The following RFX1 variants were observed in gnomAD, a reference collection of about 807,000 sequenced individuals.
The protein encoded by RFX1 is MHC class II regulatory factor RFX1.
In RFX1, 42 loss-of-function variants were observed where a neutral mutation model predicts 119.6. The ratio of observed to expected loss-of-function variants is 0.35; its 90% CI spans 0.27 to 0.45. The LOEUF is 0.45. Ranked by LOEUF, RFX1 falls within the 20% of genes least tolerant of loss-of-function variation. RFX1 has a pLI of 1.00. For missense variants in RFX1, 1,118 were observed against 1,368.1 expected, an observed-to-expected ratio of 0.82 and a Z score of 2.88; for synonymous variants, 628 against 618.5, an observed-to-expected ratio of 1.02 and a Z score of -0.23.
At chr19:13,998,880 C>G (rs1190668655) in intron 1 of RFX1, among the ~76,000 whole-genome samples, 6 of 152,164 alleles carry the variant, frequency 3.9e-5, no homozygotes. Flanking sequence ...CACTTACTGG[C>G]TCTTTCTCCT....
rs560542679 is a variant in RFX1 at position 13,980,450 on chromosome 19, G to T, written c.738+123C>A. 2 of 611,264 alleles carry T rather than the reference G, an allele frequency of 3.3e-6. No homozygotes were observed. The highest frequency in any genetic ancestry group is 5.7e-6 in the Non-Finnish European group (2 of 349,226). The allele number at this position is 611,264 out of a possible 1,614,324, so 37.9% of individuals were successfully genotyped here. A position where few individuals can be genotyped will look rare whatever the true frequency, so the allele number is the denominator to read the frequency against. On this transcript the variant is annotated intron_variant, in intron 6 of 20. Transcript: ENST00000254325. The surrounding 1 kb of genome is among the most constrained non-coding windows in gnomAD (Gnocchi z 5.1). ...GAGATGCTTATCAAAGGCCAGGGTG[G>T]CAGGCTGGGGCTGGACCCACATGGG... is the stretch of plus-strand genomic sequence containing the variant.
intron 2 of RFX1, among the ~76,000 whole-genome samples, chr19:13,989,836 G>A (rs1487649518): frequency 4.9e-5 from 7 of 144,158 alleles, no homozygotes. Context: ...GCTCGACCAG[G>A]ATTGGGGTCA....
In RFX1 at chr19:13,966,786, C is replaced by A; in HGVS notation, c.1733-35G>T. 6.9e-7 allele frequency: 1 copy of A among 1,439,490 alleles called. No individual in the cohort carries two copies. Among genetic ancestry groups the A allele is most frequent in the South Asian group, 1.2e-5 (1 of 83,686 alleles). The allele number at this position is 1,439,490 out of a possible 1,614,324, so 89.2% of individuals were successfully genotyped here. On this transcript the variant is annotated intron_variant, in intron 12 of 20. Coordinates refer to ENST00000254325, the MANE Select transcript of RFX1 (RefSeq NM_002918.5). The surrounding 1 kb of genome is among the most constrained non-coding windows in gnomAD (Gnocchi z 6.3). ...CGGGGGGAACCGTGAGGCCCTTCAT[C>A]CCCCTTGCCTGCCCACCCTGGGGTC...
At chr19:13,973,691 C>T (rs952840047) in intron 8 of RFX1, among the ~76,000 whole-genome samples, 6 of 152,104 alleles carry the variant, frequency 3.9e-5, no homozygotes, top group East Asian at 3.9e-4. Context: ...AGTGCAGTGT[C>T]GCAATCTTGG....
At position 13,963,922 on chromosome 19, in the gene RFX1, T is replaced by C. The variant is rs1973807151; in HGVS notation, c.2297A>G (p.Gln766Arg). Reference protein sequence around the residue: ...HLAQAARAVLQNTAQINQMLS... With the variant: ...HLAQAARAVLRNTAQINQMLS... Reference sequence around the variant, plus strand: ...CATCTGGTTGATCTGTGCGGTGTTCTGCAGCACAGCGCGCGCCGCCTGCGC... The same window carrying C: ...CATCTGGTTGATCTGTGCGGTGTTCCGCAGCACAGCGCGCGCCGCCTGCGC... Residue 766 changes from glutamine to arginine, a missense_variant, in exon 17 of 21, where the codon CAG becomes CGG. Physicochemically the swap from Gln to Arg is conservative, Grantham distance 43 (BLOSUM62 1). Coordinates refer to ENST00000254325, the MANE Select transcript of RFX1 (RefSeq NM_002918.5). 2.6e-6 allele frequency: 4 copies of C among 1,548,778 alleles called. No individual in the cohort carries two copies. Among genetic ancestry groups the C allele is most frequent in the African/African-American group, 1.4e-5 (1 of 73,130 alleles).
intron 20 of RFX1, 31 bp downstream of exon 20, chr19:13,962,963 C>G: frequency 6.5e-7 from 1 of 1,549,262 alleles, no homozygotes. Context: ...CCCCGGGACC[C>G]GCGCCCTGGG....
Position 13,985,199 on chromosome 19 carries a change from A to G in RFX1, c.320-1604T>C, listed in dbSNP as rs1974554087. Among the ~76,000 whole-genome samples, 1 of 134,700 alleles carries G rather than the reference A, an allele frequency of 7.4e-6. No individual in the cohort carries two copies. Among genetic ancestry groups the G allele is most frequent in the Non-Finnish European group, 1.6e-5 (1 of 63,596 alleles). 88.4% of individuals were successfully genotyped at this position (134,700 alleles called of 152,430 possible). ...TTTCCGGGATTTTTTTTTTTTTTTG[A>G]GACAGGGTCTCACAGTTGCCCAGGC... On this transcript the variant is annotated intron_variant, in intron 2 of 20. Transcript: ENST00000254325. This position sits in a 1 kb window ranked among gnomAD's most constrained non-coding sequence, Gnocchi z 4.3.
chr19:13,972,523 G>T (rs73517677), intron 9 of RFX1, among the ~76,000 whole-genome samples: 10,406 of 152,218 alleles, frequency 0.068, 1,216 homozygotes, highest in African/African-American at 0.23. Context: ...GTAGTATTGT[G>T]TTAAGAATTT....
At chr19:13,974,545 C>T (rs967560878) in intron 8 of RFX1, among the ~76,000 whole-genome samples, 1 of 152,104 alleles carries the variant, frequency 6.6e-6, no homozygotes, top group African/African-American at 2.4e-5. Flanking sequence ...GAACCTAACA[C>T]CGGGCAGATA....
Position 13,969,765 on chromosome 19 carries a change from T to C in RFX1, c.1496+229A>G, listed in dbSNP as rs1974015450. On this transcript the variant is annotated intron_variant, in intron 10 of 20. Transcript: ENST00000254325. This position sits in a 1 kb window ranked among gnomAD's most constrained non-coding sequence, Gnocchi z 4.5. ...GGAGAGGGGGAGGCTGCAGTTTTAGTTGAGGCAGTCAGGGGACGTGCAAGT... is the reference window on the plus strand; with the variant it reads ...GGAGAGGGGGAGGCTGCAGTTTTAGCTGAGGCAGTCAGGGGACGTGCAAGT... 4.4e-6 allele frequency: 2 copies of C among 458,244 alleles called. No individual in the cohort carries two copies. Among genetic ancestry groups the C allele is most frequent in the South Asian group, 9.8e-5 (2 of 20,480 alleles). 28.4% of individuals were successfully genotyped at this position (458,244 alleles called of 1,614,324 possible).
intron 7 of RFX1, 64 bp from the exon 8 acceptor site, chr19:13,978,150 A>C: frequency 8.0e-7 from 1 of 1,245,012 alleles, no homozygotes; most frequent in Non-Finnish European, 1.2e-6. Context: ...TCTCCCTCTA[A>C]AGGGCTGGTG....
In RFX1 at chr19:13,980,731, T is replaced by TGCATCGTCTCTGGGGTGGGCTC; in HGVS notation, c.622-43_622-42insGAGCCCACCCCAGAGACGATGC. Reference sequence around the variant, plus strand: ...CACAGGAGTGCCGCTGGGGTGGGCTTGCATCCTCTCTGAGGTGGGCTCACA... The same window carrying TGCATCGTCTCTGGGGTGGGCTC: ...CACAGGAGTGCCGCTGGGGTGGGCTTGCATCGTCTCTGGGGTGGGCTCGCATCCTCTCTGAGGTGGGCTCACA... On this transcript the variant is annotated intron_variant, in intron 5 of 20. Coordinates refer to ENST00000254325, the MANE Select transcript of RFX1 (RefSeq NM_002918.5). The surrounding 1 kb of genome is among the most constrained non-coding windows in gnomAD (Gnocchi z 5.1). The TGCATCGTCTCTGGGGTGGGCTC allele has an allele frequency of 8.3e-7, 1 of 1,201,556 alleles. No homozygotes were observed. The highest frequency in any genetic ancestry group is 1.5e-5 in the African/African-American group (1 of 64,518). The allele number at this position is 1,201,556 out of a possible 1,614,324, so 74.4% of individuals were successfully genotyped here.
intron 7 of RFX1, 130 bp from the exon 8 acceptor site, chr19:13,978,216 TCTCAACAAAACACC>T (rs1226637549): frequency 1.6e-6 from 1 of 626,264 alleles, no homozygotes; most frequent in African/African-American, 1.8e-5. Flanking sequence ...GCTTCTGGAC[TCTCAACAAAACACC>T]CTGGAGGAGG....
At chr19:13,979,308 C>T (rs1414038975) in intron 7 of RFX1, 139 bp downstream of exon 7, 3 of 520,450 alleles carry the variant, frequency 5.8e-6, no homozygotes, top group Middle Eastern at 5.4e-4. Context: ...GCCAGGGGGC[C>T]GGGAAAGGGG....
rs73924070 is a variant in RFX1, at chr19:13,980,551, A to G, written c.738+22T>C. On this transcript the variant is annotated intron_variant, in intron 6 of 20. Transcript: ENST00000254325. The surrounding 1 kb of genome is among the most constrained non-coding windows in gnomAD (Gnocchi z 5.1). ...CTGGCCGGTACCCCTGGACCGAGCC[A>G]CTGCCCGCCTTGGCCTGGCACCTCT... 0.013 allele frequency: 19,508 copies of G among 1,486,668 alleles called. 1,597 individuals carry two copies. In the African/African-American group the frequency reaches 0.2, roughly 15 times the overall value. The allele number at this position is 1,486,668 out of a possible 1,614,324, so 92.1% of individuals were successfully genotyped here.
chr19:14,004,395 C>A (rs531418916), intron 1 of RFX1, among the ~76,000 whole-genome samples: 2 of 152,222 alleles, frequency 1.3e-5, no homozygotes, highest in African/African-American at 2.4e-5. Context: ...GTAGTCCCAG[C>A]GACTCAGGAG....
At chr19:13,964,981 GTTTT>G (rs879737265) in intron 16 of RFX1, among the ~76,000 whole-genome samples, 28 of 152,248 alleles carry the variant, frequency 1.8e-4, no homozygotes, top group African/African-American at 6.5e-4. Context: ...CCCAGCGGTG[GTTTT>G]TTTGTTTGTT....
At chr19:13,978,989 A>T (rs1192889795) in intron 7 of RFX1, among the ~76,000 whole-genome samples, 1 of 151,428 alleles carries the variant, frequency 6.6e-6, no homozygotes, top group Non-Finnish European at 1.5e-5. Context: ...TCGCCGCTGC[A>T]CGCGGGCGGC....
intron 4 of RFX1, chr19:13,982,918 G>T (rs1370427189): frequency 4.0e-6 from 2 of 499,474 alleles, no homozygotes; most frequent in Non-Finnish European, 7.2e-6. Flanking sequence ...TCTGCTTCGG[G>T]ACACTGGGTT....
Sources: gnomAD v4.1 joint callset for allele counts (sites outside exome capture counted in the v4.1 genomes callset) on GRCh38, gnomAD v4.1.1 for gene constraint, Gnocchi (gnomAD v3.1) non-coding constraint, MANE v1.5 for transcripts, NCBI Gene and HGNC (gene_info 2026-07-23, HGNC 2026-07-21) for gene names.